The following DYNC2H1 variants were observed in gnomAD, a reference collection of about 807,000 sequenced individuals.
The protein encoded by DYNC2H1 is cytoplasmic dynein 2 heavy chain 1.
Under a neutral mutation model 570.0 loss-of-function variants are expected in DYNC2H1, and 410 were observed. That is an observed-to-expected ratio of 0.72 (90% CI 0.66 to 0.78). The LOEUF is 0.78. Among genes scored for constraint, DYNC2H1 ranks in the 30% least tolerant of loss-of-function variants. The pLI is 0.00. For synonymous variants in DYNC2H1, 1,688 were observed against 1,677.6 expected, an observed-to-expected ratio of 1.01 and a Z score of -0.15; for missense variants, 4,865 against 5,046.4, an observed-to-expected ratio of 0.96 and a Z score of 1.09.
chr11:103,187,210 A>C, intron 42 of DYNC2H1, 130 bp from the exon 43 acceptor site: 3 of 1,287,328 alleles, frequency 2.3e-6, no homozygotes, highest in Non-Finnish European at 3.2e-6. Flanking sequence ...ATCTGTATTT[A>C]CCATTTTTCC....
At chr11:103,449,665 A>G (rs1406046185) in intron 85 of DYNC2H1, among the ~76,000 whole-genome samples, 1 of 89,500 alleles carries the variant, frequency 1.1e-5, no homozygotes, top group African/African-American at 7.6e-5. Context: ...GAAATTATTC[A>G]TTTTCATTAT....
chr11:103,114,702 T>G (rs1360861003), intron 3 of DYNC2H1, among the ~76,000 whole-genome samples: 1 of 152,196 alleles, frequency 6.6e-6, no homozygotes, highest in Non-Finnish European at 1.5e-5. Context: ...GAGCCCCTGG[T>G]CATAACATCT....
intron 75 of DYNC2H1, among the ~76,000 whole-genome samples, chr11:103,296,620 C>A (rs1200841448): frequency 1.3e-5 from 2 of 152,164 alleles, no homozygotes; most frequent in African/African-American, 2.4e-5. Flanking sequence ...GCTTTCCTTT[C>A]TCTGACTGTG....
chr11:103,279,448 T>G (rs1215568913), intron 70 of DYNC2H1, among the ~76,000 whole-genome samples: 4 of 152,206 alleles, frequency 2.6e-5, no homozygotes, highest in Non-Finnish European at 5.9e-5. Context: ...TGAATTCACT[T>G]CCTACATTCT....
At chr11:103,226,048 G>A (rs931402836) in intron 59 of DYNC2H1, among the ~76,000 whole-genome samples, 17 of 151,760 alleles carry the variant, frequency 1.1e-4, no homozygotes, top group Admixed American at 9.9e-4. Context: ...CTACTGATTT[G>A]TGTACATGAA....
intron 81 of DYNC2H1, among the ~76,000 whole-genome samples, chr11:103,321,928 T>A (rs999444587): frequency 6.6e-6 from 1 of 152,184 alleles, no homozygotes; most frequent in Non-Finnish European, 1.5e-5. Context: ...ATATATCTAT[T>A]CAATTATGTA....
intron 29 of DYNC2H1, among the ~76,000 whole-genome samples, chr11:103,162,484 T>G (rs990863039): frequency 6.6e-6 from 1 of 152,210 alleles, no homozygotes. Context: ...AATACATTTT[T>G]TTTCACTTTG....
chr11:103,284,996 A>T (rs529934737), intron 73 of DYNC2H1, among the ~76,000 whole-genome samples: 1 of 152,346 alleles, frequency 6.6e-6, no homozygotes, highest in South Asian at 2.1e-4. Context: ...TGAACGTGGA[A>T]TAGAAATTTG....
chr11:103,367,522 T>C (rs1361786201), intron 83 of DYNC2H1, among the ~76,000 whole-genome samples: 5 of 152,136 alleles, frequency 3.3e-5, no homozygotes, highest in Non-Finnish European at 7.4e-5. Context: ...TAAATACATA[T>C]ATGTTGTATA....
chr11:103,355,846 C>T (rs1280278331), intron 82 of DYNC2H1, among the ~76,000 whole-genome samples: 3 of 152,110 alleles, frequency 2.0e-5, no homozygotes, highest in Non-Finnish European at 4.4e-5. Context: ...CCAGTAGTTA[C>T]AGGTGCACAC....
intron 82 of DYNC2H1, among the ~76,000 whole-genome samples, chr11:103,350,736 C>A (rs1223144503): frequency 1.3e-5 from 2 of 152,072 alleles, no homozygotes; most frequent in Non-Finnish European, 2.9e-5. Flanking sequence ...TTTCTGGGTC[C>A]TCACATGTCC....
chr11:103,274,472 T>A (rs1317478521), intron 70 of DYNC2H1, among the ~76,000 whole-genome samples: 1 of 152,038 alleles, frequency 6.6e-6, no homozygotes, highest in Non-Finnish European at 1.5e-5. Flanking sequence ...ATTGTCTTAT[T>A]TATCTTTATC....
intron 83 of DYNC2H1, among the ~76,000 whole-genome samples, chr11:103,368,304 A>G (rs1289091474): frequency 6.6e-6 from 1 of 152,186 alleles, no homozygotes; most frequent in Non-Finnish European, 1.5e-5. Flanking sequence ...TCTAACTGGA[A>G]TGAGACAACA....
intron 82 of DYNC2H1, among the ~76,000 whole-genome samples, chr11:103,336,079 T>G (rs377195978): frequency 6.6e-6 from 1 of 152,186 alleles, no homozygotes; most frequent in African/African-American, 2.4e-5. Flanking sequence ...CCACATAACC[T>G]TCTTATATGG....
rs1258964446 is a variant in DYNC2H1 at position 103,456,279 on chromosome 11, G to C, written c.12571G>C (p.Val4191Leu). 1 of 1,607,930 alleles carries C rather than the reference G, an allele frequency of 6.2e-7. No individual in the cohort carries two copies. Among genetic ancestry groups the C allele is most frequent in the Non-Finnish European group, 8.5e-7 (1 of 1,176,478 alleles). Residue 4191 changes from valine (V) to leucine (L), a missense_variant, in exon 87 of 89, where the codon GTG (valine) becomes CTG (leucine). Transcript: ENST00000375735. ...TTTGATGCTTTACCTTTACAGGGCAGTGGGTCGTTCTGTGGATAGCCTTAA... is the reference window on the plus strand; with the variant it reads ...TTTGATGCTTTACCTTTACAGGGCACTGGGTCGTTCTGTGGATAGCCTTAA... ...NALRQETARA[V>L]GRSVDSLKFV...
intron 75 of DYNC2H1, among the ~76,000 whole-genome samples, chr11:103,293,971 G>A (rs1866717562): frequency 6.6e-6 from 1 of 152,064 alleles, no homozygotes; most frequent in South Asian, 2.1e-4. Context: ...CAGCTACTTG[G>A]GAGGCTGAGG....
chr11:103,143,192 GT>G, intron 17 of DYNC2H1, 75 bp from the exon 18 acceptor site: 1 of 1,491,196 alleles, frequency 6.7e-7, no homozygotes, highest in Non-Finnish European at 9.2e-7. Flanking sequence ...GGTTTTAATA[GT>G]TGAATCCTAT....
chr11:103,234,015 A>G lies in DYNC2H1; in HGVS notation c.9441-19A>G. 6.5e-7 allele frequency: 1 copy of G among 1,542,184 alleles called. No individual in the cohort carries two copies. The highest frequency in any genetic ancestry group is 2.4e-5 in the East Asian group (1 of 40,858). On this transcript the variant is annotated intron_variant, in intron 60 of 88. Transcript: ENST00000375735. ...CCCAAATCCTTTTTGCTTTTAATTA[A>G]ATTTTAATGTTTACATAGATTTCAG...
chr11:103,109,521 A>T lies in DYNC2H1; in HGVS notation c.-54A>T. On this transcript the variant is annotated 5_prime_UTR_variant, in exon 1 of 89. Transcript: ENST00000375735. ...CTCTCTTCCCTTCACTTCCCTCCGGACTGGTTTCTTCTTCCTTCCCCCTTC... is the reference window on the plus strand; with the variant it reads ...CTCTCTTCCCTTCACTTCCCTCCGGTCTGGTTTCTTCTTCCTTCCCCCTTC... 6.5e-7 allele frequency: 1 copy of T among 1,528,734 alleles called. No homozygotes were observed. Among genetic ancestry groups the T allele is most frequent in the Non-Finnish European group, 8.9e-7 (1 of 1,117,458 alleles). The allele number at this position is 1,528,734 out of a possible 1,614,324, so 94.7% of individuals were successfully genotyped here.
Sources: allele counts gnomAD v4.1 joint callset (sites outside exome capture counted in the v4.1 genomes callset), GRCh38; gene constraint gnomAD v4.1.1; transcripts MANE v1.5; gene names NCBI Gene and HGNC (gene_info 2026-07-23, HGNC 2026-07-21).